The following SERPINB2 variants were observed in gnomAD, a reference collection of about 807,000 sequenced individuals.
SERPINB2 encodes the protein serpin family B member 2, also known as plasminogen activator inhibitor 2.
In SERPINB2, 28 loss-of-function variants were observed where a neutral mutation model predicts 39.4. The observed-to-expected ratio is 0.71, with a 90% confidence interval of 0.53 to 0.97. The LOEUF (loss-of-function observed/expected upper bound fraction) is 0.97. Ranked by LOEUF, SERPINB2 falls within the 50% of genes least tolerant of loss-of-function variation. The probability of loss-of-function intolerance (pLI) is 0.00; values close to 1 mark genes in which losing one functional copy is unlikely to be tolerated. For synonymous variants in SERPINB2, 209 were observed against 175.1 expected, an observed-to-expected ratio of 1.19 and a Z score of -1.53; for missense variants, 557 against 505.3, an observed-to-expected ratio of 1.10 and a Z score of -0.98.
At chr18:63,892,024 G>A (rs1209171031) in intron 2 of SERPINB2, among the ~76,000 whole-genome samples, 2 of 151,980 alleles carry the variant, frequency 1.3e-5, no homozygotes, top group African/African-American at 4.8e-5. Context: ...CCTAGCCTGG[G>A]CTCCTTCCCA....
chr18:63,895,370 A>G lies in SERPINB2; in HGVS notation c.275A>G (p.Asp92Gly). 1.9e-6 allele frequency: 3 copies of G among 1,614,020 alleles called. No individual in the cohort carries two copies. Among genetic ancestry groups the G allele is most frequent in the Non-Finnish European group, 2.5e-6 (3 of 1,179,966 alleles). The change falls in exon 3 of 8, where the codon GAT becomes GGT. Residue 92 changes from aspartate (D) to glycine (G), a missense_variant. Asp to Gly is a moderately conservative substitution (Grantham distance 94, BLOSUM62 -1). Transcript: ENST00000299502. ...MQQIQKGSYPDAILQAQAADK... is the reference protein window; with the variant it reads ...MQQIQKGSYPGAILQAQAADK... ...CAGATCCAGAAGGGTAGTTATCCTGATGCGATTTTGCAGGTATCTGACTTA... is the reference window on the plus strand; with the variant it reads ...CAGATCCAGAAGGGTAGTTATCCTGGTGCGATTTTGCAGGTATCTGACTTA...
chr18:63,897,806 G>T lies in SERPINB2; in HGVS notation c.497G>T (p.Arg166Ile). Residue 166 changes from arginine (R) to isoleucine (I), a missense_variant, in exon 5 of 8, where the codon AGA becomes ATA. By Grantham distance (97) the Arg-to-Ile change is moderately conservative. Coordinates refer to ENST00000299502, the MANE Select transcript of SERPINB2 (RefSeq NM_002575.3). ...VDFLECAEEA[R>I]KKINSWVKTQ... ...TTCCTAGAATGTGCAGAAGAAGCTA[G>T]AAAAAAGATTAATTCCTGGGTCAAG... 6.2e-7 allele frequency: 1 copy of T among 1,612,012 alleles called. No individual in the cohort carries two copies. Among genetic ancestry groups the T allele is most frequent in the Non-Finnish European group, 8.5e-7 (1 of 1,178,834 alleles).
At chr18:63,892,413 C>T (rs997231895) in intron 2 of SERPINB2, among the ~76,000 whole-genome samples, 14 of 152,334 alleles carry the variant, frequency 9.2e-5, no homozygotes, top group Admixed American at 8.5e-4. Flanking sequence ...GCAATCGTTA[C>T]TGTAATAGTC....
At chr18:63,897,952 A>C (rs533337669) in intron 5 of SERPINB2, 108 bp downstream of exon 5, 2 of 721,244 alleles carry the variant, frequency 2.8e-6, no homozygotes, top group African/African-American at 3.6e-5. Context: ...AATTTGTCCA[A>C]CTGCAGTTAC....
rs374709649 is a variant in SERPINB2 at position 63,897,800 on chromosome 18, A to C, written c.491A>C (p.Glu164Ala). 7.9e-5 allele frequency: 127 copies of C among 1,613,028 alleles called. No individual in the cohort carries two copies. The highest frequency in any genetic ancestry group is 1.1e-4 in the Non-Finnish European group (124 of 1,179,374). ...GTAGACTTCCTAGAATGTGCAGAAGAAGCTAGAAAAAAGATTAATTCCTGG... is the reference window on the plus strand; with the variant it reads ...GTAGACTTCCTAGAATGTGCAGAAGCAGCTAGAAAAAAGATTAATTCCTGG... ...QAVDFLECAE[E>A]ARKKINSWVK... The change falls in exon 5 of 8, where the codon GAA becomes GCA. Residue 164 changes from glutamate to alanine, a missense_variant. Physicochemically the swap from Glu to Ala is moderately radical, Grantham distance 107. Transcript: ENST00000299502.
chr18:63,897,069 G>T (rs1279239908), intron 3 of SERPINB2, 22 bp from the exon 4 acceptor site: 4 of 1,607,008 alleles, frequency 2.5e-6, no homozygotes, highest in African/African-American at 1.3e-5. Context: ...TATATATAAA[G>T]AATTCCTTCT....
At chr18:63,895,814 TTCTA>T (rs2049955989) in intron 3 of SERPINB2, among the ~76,000 whole-genome samples, 1 of 152,206 alleles carries the variant, frequency 6.6e-6, no homozygotes, top group Admixed American at 6.5e-5. Flanking sequence ...GTAACTTTCC[TTCTA>T]TCTATCTAAT....
intron 3 of SERPINB2, among the ~76,000 whole-genome samples, chr18:63,896,406 A>AG: frequency 8.5e-6 from 1 of 117,142 alleles, no homozygotes; most frequent in Middle Eastern, 4.3e-3. Context: ...TTGCCCCATA[A>AG]AATAGGTATC....
At chr18:63,895,200 T>A in intron 2 of SERPINB2, 64 bp from the exon 3 acceptor site, 4 of 1,592,500 alleles carry the variant, frequency 2.5e-6, no homozygotes, top group Non-Finnish European at 3.4e-6. Context: ...CTGATAGCCA[T>A]CTGTTTTAAA....
In SERPINB2 at chr18:63,902,979, T is replaced by A. The variant is rs1192432026; in HGVS notation, c.922T>A (p.Tyr308Asn). ...DKMAEDEVEV[Y>N]IPQFKLEEHY... is the part of the protein sequence containing the mutation. ...AATGGCTGAAGATGAAGTTGAGGTATACATACCCCAGTTCAAATTAGAAGA... is the reference window on the plus strand; with the variant it reads ...AATGGCTGAAGATGAAGTTGAGGTAAACATACCCCAGTTCAAATTAGAAGA... Residue 308 changes from tyrosine (Y) to asparagine (N), a missense_variant, in exon 8 of 8, where the codon TAC becomes AAC. Physicochemically the swap from Tyr to Asn is moderately radical, Grantham distance 143. Coordinates refer to ENST00000299502, the MANE Select transcript of SERPINB2 (RefSeq NM_002575.3). The A allele has an allele frequency of 5.0e-6, 8 of 1,613,828 alleles. No homozygotes were observed. The highest frequency in any genetic ancestry group is 6.8e-6 in the Non-Finnish European group (8 of 1,179,800).
Position 63,902,503 on chromosome 18 carries a change from G to A in SERPINB2, c.778G>A (p.Gly260Arg). Residue 260 changes from glycine to arginine, a missense_variant, in exon 7 of 8, where the codon GGA becomes AGA. Coordinates refer to ENST00000299502, the MANE Select transcript of SERPINB2 (RefSeq NM_002575.3). ...TCAGATTCTAGAACTCCCATATGCT[G>A]GAGATGTTAGCATGTTCTTGTTGCT... ...KAQILELPYA[G>R]DVSMFLLLPD... 6.2e-7 allele frequency: 1 copy of A among 1,613,638 alleles called. No individual in the cohort carries two copies. The highest frequency in any genetic ancestry group is 8.5e-7 in the Non-Finnish European group (1 of 1,179,714).
intron 3 of SERPINB2, among the ~76,000 whole-genome samples, chr18:63,896,609 C>A (rs964823383): frequency 1.3e-5 from 2 of 152,150 alleles, no homozygotes; most frequent in African/African-American, 2.4e-5. Context: ...AATTACCCAC[C>A]ATTTGTATGT....
Position 63,893,434 on chromosome 18 carries a change from C to CT in SERPINB2, c.169-1819dup, listed in dbSNP as rs34100904. Reference sequence around the variant, plus strand: ...GGACTATGCGAGGATTCTATATAGTCTTTTTTTTTTTGAGACTCTATATAT... The same window carrying CT: ...GGACTATGCGAGGATTCTATATAGTCTTTTTTTTTTTTGAGACTCTATATAT... On this transcript the variant is annotated intron_variant, in intron 2 of 7. Transcript: ENST00000299502. 6.1e-3 allele frequency among the ~76,000 whole-genome samples: 899 copies of CT among 147,950 alleles called. 6 individuals are homozygous for CT. Among genetic ancestry groups the CT allele is most frequent in the African/African-American group, 0.016 (632 of 40,444 alleles).
Position 63,902,485 on chromosome 18 carries a change from C to T in SERPINB2, c.760C>T (p.Leu254=). The T allele has an allele frequency of 6.2e-7, 1 of 1,613,674 alleles. No individual in the cohort carries two copies. Among genetic ancestry groups the T allele is most frequent in the Admixed American group, 1.7e-5 (1 of 59,990 alleles). The stretch of plus-strand genomic sequence containing the variant: ...CATAGAAGACCTAAAGGCTCAGATT[C>T]TAGAACTCCCATATGCTGGAGATGT... ...GYIEDLKAQI[L]ELPYAGDVSM... Residue 254 remains leucine (L), a synonymous_variant, in exon 7 of 8, where the codon CTA becomes TTA. Transcript: ENST00000299502.
chr18:63,890,912 G>A (rs189761450), intron 1 of SERPINB2: 1 of 153,202 alleles, frequency 6.5e-6, no homozygotes, highest in East Asian at 1.9e-4. Context: ...TATGTATGCA[G>A]GTGGCATATA....
intron 4 of SERPINB2, 93 bp from the exon 5 acceptor site, chr18:63,897,634 C>G: frequency 1.1e-6 from 1 of 950,634 alleles, no homozygotes; most frequent in Non-Finnish European, 1.7e-6. Context: ...CCCCAGGTCT[C>G]CTAATTTCAA....
At chr18:63,892,367 C>A (rs2049932279) in intron 2 of SERPINB2, among the ~76,000 whole-genome samples, 1 of 152,082 alleles carries the variant, frequency 6.6e-6, no homozygotes, top group Admixed American at 6.5e-5. Flanking sequence ...GAGTCTGGGC[C>A]CTTGAAATTA....
At chr18:63,900,749 C>T (rs2049986585) in intron 5 of SERPINB2, among the ~76,000 whole-genome samples, 1 of 151,982 alleles carries the variant, frequency 6.6e-6, no homozygotes. Flanking sequence ...TTTTAGCTAG[C>T]CCTCAATTTG....
At chr18:63,891,823 A>T (rs952297531) in intron 2 of SERPINB2, among the ~76,000 whole-genome samples, 3 of 152,234 alleles carry the variant, frequency 2.0e-5, no homozygotes, top group African/African-American at 4.8e-5. Context: ...TGTTGAAGGC[A>T]TATGGGAGTT....
Sources: gnomAD v4.1 joint callset for allele counts (sites outside exome capture counted in the v4.1 genomes callset) on GRCh38, gnomAD v4.1.1 for gene constraint, MANE v1.5 for transcripts, NCBI Gene and HGNC (gene_info 2026-07-23, HGNC 2026-07-21) for gene names.